Variants in CDKAL1 observed in about 807,000 individuals in gnomAD.
CDKAL1 encodes CDKAL1 threonylcarbamoyladenosine tRNA methylthiotransferase, also known as threonylcarbamoyladenosine tRNA methylthiotransferase.
In CDKAL1, 32 loss-of-function variants were observed where a neutral mutation model predicts 68.2. The observed-to-expected ratio is 0.47, with a 90% CI of 0.35 to 0.63. The LOEUF is 0.63. Among genes scored for constraint, CDKAL1 ranks in the 30% least tolerant of loss-of-function variants. CDKAL1 has a pLI of 0.00. For synonymous variants in CDKAL1, 234 were observed against 244.3 expected, an observed-to-expected ratio of 0.96 and a Z score of 0.39; for missense variants, 606 against 696.7, an observed-to-expected ratio of 0.87 and a Z score of 1.47.
At chr6:20,720,792 C>G (rs571982623) in intron 5 of CDKAL1, among the ~76,000 whole-genome samples, 2 of 152,238 alleles carry the variant, frequency 1.3e-5, no homozygotes, top group Non-Finnish European at 2.9e-5. Flanking sequence ...AGCCCTCGCA[C>G]TGGCCTCTAT....
chr6:20,952,721 T>C (rs1446173437), intron 9 of CDKAL1, among the ~76,000 whole-genome samples: 2 of 152,264 alleles, frequency 1.3e-5, no homozygotes, highest in South Asian at 2.1e-4. Flanking sequence ...TCCCAATGTG[T>C]GTCCATGAGT....
At chr6:21,140,690 A>G (rs1479072549) in intron 13 of CDKAL1, among the ~76,000 whole-genome samples, 1 of 152,200 alleles carries the variant, frequency 6.6e-6, no homozygotes, top group Non-Finnish European at 1.5e-5. Flanking sequence ...AGTCTGTCAC[A>G]GCAAAGCACT....
rs1018030546 is a variant in CDKAL1, at chr6:20,905,525, T to G, written c.743-49894T>G. On this transcript the variant is annotated intron_variant, in intron 9 of 15. Transcript: ENST00000274695. The stretch of plus-strand genomic sequence containing the variant: ...GAGAGAAAGGGGCAATGAGAATATT[T>G]GAAGAGATAATGGTGGAAAACTTCC... Among the ~76,000 whole-genome samples, 5 of 152,162 alleles carry G rather than the reference T, an allele frequency of 3.3e-5. No homozygotes were observed. In the South Asian group the frequency reaches 1.0e-3, roughly 32 times the overall value.
At chr6:21,056,448 A>G (rs906295162) in intron 11 of CDKAL1, among the ~76,000 whole-genome samples, 2 of 152,142 alleles carry the variant, frequency 1.3e-5, no homozygotes, top group African/African-American at 4.8e-5. Flanking sequence ...TTTTCTAGAT[A>G]TGTGATCATA....
At chr6:20,902,351 AC>A (rs1561870945) in intron 9 of CDKAL1, among the ~76,000 whole-genome samples, 4,104 of 49,348 alleles carry the variant, frequency 0.083, 107 homozygotes, top group Non-Finnish European at 0.094. Context: ...ACACACACAC[AC>A]ACACACAATG....
chr6:20,593,906 A>G (rs1392345102), intron 4 of CDKAL1, among the ~76,000 whole-genome samples: 1 of 152,104 alleles, frequency 6.6e-6, no homozygotes, highest in East Asian at 1.9e-4. Flanking sequence ...CAAAGAACTT[A>G]TTCATTTCTG....
At chr6:21,168,992 A>G (rs970148568) in intron 13 of CDKAL1, among the ~76,000 whole-genome samples, 1 of 152,214 alleles carries the variant, frequency 6.6e-6, no homozygotes, top group East Asian at 1.9e-4. Flanking sequence ...GCTGCAAGAC[A>G]AAGTTCCAGA....
chr6:20,891,318 G>C (rs1326255683), intron 9 of CDKAL1, among the ~76,000 whole-genome samples: 2 of 152,134 alleles, frequency 1.3e-5, no homozygotes, highest in African/African-American at 4.8e-5. Context: ...GAGTTGGAAG[G>C]CTCTGGCTTG....
rs368097465 is a variant in CDKAL1, at chr6:21,000,262, C to T, written c.945C>T (p.Tyr315=). The T allele has an allele frequency of 1.1e-5, 17 of 1,613,828 alleles. No homozygotes were observed. The highest frequency in any genetic ancestry group is 5.0e-5 in the Admixed American group (3 of 60,008). The stretch of plus-strand genomic sequence containing the variant: ...AAATCCTTAATCACCCCAGAGTCTA[C>T]GCTTTTCTGCACATACCAGTCCAGT... The part of the protein sequence containing the change: ...MAKILNHPRV[Y]AFLHIPVQSA... The change falls in exon 11 of 16, where the codon TAC becomes TAT. Residue 315 remains tyrosine (Y), a synonymous_variant. Transcript: ENST00000274695.
intron 15 of CDKAL1, among the ~76,000 whole-genome samples, chr6:21,223,893 C>T (rs9466004): frequency 0.081 from 12,341 of 152,168 alleles, 903 homozygotes; most frequent in African/African-American, 0.2. Context: ...AGCAGAGGCT[C>T]GGCCGTGGAG....
intron 9 of CDKAL1, among the ~76,000 whole-genome samples, chr6:20,933,220 T>C (rs1763551218): frequency 2.6e-5 from 4 of 152,230 alleles, no homozygotes; most frequent in Non-Finnish European, 5.9e-5. Context: ...AATTTAAGTA[T>C]TTACCTTACC....
chr6:20,882,240 G>A (rs112322773), intron 9 of CDKAL1, among the ~76,000 whole-genome samples: 9 of 152,252 alleles, frequency 5.9e-5, no homozygotes, highest in East Asian at 3.9e-4. Context: ...GCGGAAGAAC[G>A]CTGAGGATTC....
chr6:21,017,292 A>G lies in CDKAL1; in HGVS notation c.1055+16920A>G, dbSNP rs146973833. 2.6e-4 allele frequency among the ~76,000 whole-genome samples: 39 copies of G among 152,332 alleles called. No homozygotes were observed. In the East Asian group the frequency reaches 7.5e-3, roughly 29 times the overall value. ...GAAGGGTTTCTTTTGTTGGTGTTAT[A>G]AGCAACTAATTTATGTTTGTATGAT... On this transcript the variant is annotated intron_variant, in intron 11 of 15. Transcript: ENST00000274695.
chr6:21,032,903 A>G (rs541761449), intron 11 of CDKAL1, among the ~76,000 whole-genome samples: 1 of 152,338 alleles, frequency 6.6e-6, no homozygotes, highest in African/African-American at 2.4e-5. Context: ...TTCCTGGCCC[A>G]TAGTAGTCAA....
At chr6:20,918,734 A>G (rs1303382528) in intron 9 of CDKAL1, among the ~76,000 whole-genome samples, 1 of 152,190 alleles carries the variant, frequency 6.6e-6, no homozygotes, top group Non-Finnish European at 1.5e-5. Context: ...TTACTTACTC[A>G]TATTCCTATG....
At chr6:20,885,260 A>G (rs1581762389) in intron 9 of CDKAL1, among the ~76,000 whole-genome samples, 2 of 152,160 alleles carry the variant, frequency 1.3e-5, no homozygotes, top group Admixed American at 6.5e-5. Flanking sequence ...ACACTCCCCA[A>G]TTTCAGAACC....
intron 7 of CDKAL1, among the ~76,000 whole-genome samples, chr6:20,767,558 G>C (rs954076283): frequency 6.6e-6 from 1 of 152,050 alleles, no homozygotes; most frequent in Admixed American, 6.5e-5. Flanking sequence ...TGATGGCTCA[G>C]ATGTAGGTAG....
At chr6:20,877,925 G>A (rs1760608792) in intron 9 of CDKAL1, among the ~76,000 whole-genome samples, 1 of 152,064 alleles carries the variant, frequency 6.6e-6, no homozygotes, top group Non-Finnish European at 1.5e-5. Flanking sequence ...CCTGTCAAAT[G>A]CACTTACTTA....
chr6:20,875,696 G>A (rs1030535162), intron 9 of CDKAL1, among the ~76,000 whole-genome samples: 19 of 152,094 alleles, frequency 1.2e-4, no homozygotes, highest in African/African-American at 4.6e-4. Flanking sequence ...AATAGGGTCT[G>A]TAAAGCTATT....
Sources: allele counts gnomAD v4.1 joint callset (sites outside exome capture counted in the v4.1 genomes callset), GRCh38; gene constraint gnomAD v4.1.1; transcripts MANE v1.5; gene names NCBI Gene and HGNC (gene_info 2026-07-23, HGNC 2026-07-21).